Variants in KIF2A observed in about 807,000 individuals in gnomAD.
KIF2A encodes the protein kinesin family member 2A, also known as kinesin-like protein KIF2A.
Under a neutral mutation model 100.2 loss-of-function variants are expected in KIF2A, and 22 were observed. The observed-to-expected ratio is 0.22, with a 90% confidence interval of 0.16 to 0.31. KIF2A has a LOEUF of 0.31. Ranked by LOEUF, KIF2A falls within the 10% of genes least tolerant of loss-of-function variation. KIF2A has a pLI of 1.00. For missense variants in KIF2A, 495 were observed against 898.7 expected (o/e 0.55, Z 5.74); for synonymous variants, 268 against 285.9 (o/e 0.94, Z 0.63).
intron 11 of KIF2A, among the ~76,000 whole-genome samples, chr5:62,362,010 C>T (rs1274016943): frequency 6.8e-6 from 1 of 147,074 alleles, no homozygotes; most frequent in Non-Finnish European, 1.5e-5. Context: ...TCAGCCTGGG[C>T]AACAGACCAA....
At chr5:62,326,669 G>A (rs889471676) in intron 1 of KIF2A, among the ~76,000 whole-genome samples, 1 of 151,496 alleles carries the variant, frequency 6.6e-6, no homozygotes, top group Admixed American at 6.6e-5. Context: ...CATCAATATG[G>A]AAATGCTGTT....
chr5:62,341,090 T>A (rs1747268915), intron 1 of KIF2A, among the ~76,000 whole-genome samples: 1 of 152,198 alleles, frequency 6.6e-6, no homozygotes, highest in African/African-American at 2.4e-5. Context: ...AATTTCGTAT[T>A]CACTTCTTGT....
intron 3 of KIF2A, among the ~76,000 whole-genome samples, chr5:62,349,408 C>A (rs1485394788): frequency 4.6e-5 from 7 of 151,744 alleles, no homozygotes; most frequent in East Asian, 1.9e-4. Flanking sequence ...AAAGGGAGAC[C>A]CTGGCATCAG....
intron 1 of KIF2A, among the ~76,000 whole-genome samples, chr5:62,327,924 A>G (rs1746459579): frequency 6.6e-6 from 1 of 152,242 alleles, no homozygotes; most frequent in Non-Finnish European, 1.5e-5. Context: ...GGATGTATGC[A>G]TAAGAGAAGA....
intron 17 of KIF2A, 120 bp from the exon 18 acceptor site, chr5:62,373,567 A>G: frequency 1.4e-6 from 1 of 696,624 alleles, no homozygotes; most frequent in Non-Finnish European, 2.4e-6. Flanking sequence ...TTTTACCTAT[A>G]AAGGTGACAT....
intron 9 of KIF2A, among the ~76,000 whole-genome samples, chr5:62,358,929 C>G (rs1333671942): frequency 2.0e-5 from 3 of 152,206 alleles, no homozygotes; most frequent in Non-Finnish European, 4.4e-5. Context: ...CCTTGGCTTC[C>G]CAAAGTGCTG....
chr5:62,338,191 A>G (rs1387768763), intron 1 of KIF2A, among the ~76,000 whole-genome samples: 4 of 152,212 alleles, frequency 2.6e-5, no homozygotes, highest in Non-Finnish European at 5.9e-5. Context: ...GTAGAGGGGA[A>G]AGGGAATTTT....
At chr5:62,308,502 C>T (rs1745415745) in intron 1 of KIF2A, 1 of 719,006 alleles carries the variant, frequency 1.4e-6, no homozygotes, top group Non-Finnish European at 2.5e-6. Context: ...ACCTAAATGT[C>T]CATCGATGGG....
At chr5:62,322,633 T>C (rs2111813346) in intron 1 of KIF2A, among the ~76,000 whole-genome samples, 1 of 152,264 alleles carries the variant, frequency 6.6e-6, no homozygotes, top group East Asian at 1.9e-4. Flanking sequence ...GAATAAGGCC[T>C]TGAAATACCT....
At chr5:62,379,570 G>A (rs536737918) in intron 19 of KIF2A, among the ~76,000 whole-genome samples, 16 of 151,898 alleles carry the variant, frequency 1.1e-4, no homozygotes, top group Admixed American at 9.2e-4. Flanking sequence ...GCTGAGGCAG[G>A]AGAATTGCTT....
intron 1 of KIF2A, among the ~76,000 whole-genome samples, chr5:62,337,976 C>T (rs539065588): frequency 2.0e-5 from 3 of 152,190 alleles, no homozygotes; most frequent in African/African-American, 7.2e-5. Context: ...TGGAACTTCA[C>T]AAGCTGATTC....
chr5:62,350,018 T>C, intron 3 of KIF2A, 48 bp from the exon 4 acceptor site: 1 of 1,232,150 alleles, frequency 8.1e-7, no homozygotes, highest in Non-Finnish European at 1.2e-6. Context: ...ATGATACATA[T>C]GAGGGAGTAA....
chr5:62,379,779 A>C (rs1200349596), intron 19 of KIF2A, among the ~76,000 whole-genome samples: 1 of 152,228 alleles, frequency 6.6e-6, no homozygotes, highest in Non-Finnish European at 1.5e-5. Flanking sequence ...AATTATAATT[A>C]GTCATTAAAG....
intron 4 of KIF2A, among the ~76,000 whole-genome samples, chr5:62,352,023 G>A (rs1480907533): frequency 2.0e-5 from 3 of 151,844 alleles, no homozygotes; most frequent in Admixed American, 6.6e-5. Flanking sequence ...GTGTAGTGGC[G>A]TGCGCCTGTA....
intron 16 of KIF2A, among the ~76,000 whole-genome samples, chr5:62,369,573 A>G (rs1431051684): frequency 4.6e-5 from 7 of 152,208 alleles, no homozygotes. Context: ...TAACCATATC[A>G]GACACATAAT....
rs1290302933 is a variant in KIF2A at position 62,388,226 on chromosome 5, G to A, written c.*2657G>A. The A allele has an allele frequency of 1.3e-5, 2 of 152,164 alleles. No individual in the cohort carries two copies. Among genetic ancestry groups the A allele is most frequent in the African/African-American group, 2.4e-5 (1 of 41,424 alleles). The allele number at this position is 152,164 out of a possible 1,614,324, so 9.4% of individuals were successfully genotyped here. A position where few individuals can be genotyped will look rare whatever the true frequency, so the allele number is the denominator to read the frequency against. On this transcript the variant is annotated 3_prime_UTR_variant, in exon 21 of 21. Transcript: ENST00000407818. ...TATGGGAAATGGCTGTTTTTCTGAAGTTGAAACCAGTTTCAATTACAAAAC... is the reference window on the plus strand; with the variant it reads ...TATGGGAAATGGCTGTTTTTCTGAAATTGAAACCAGTTTCAATTACAAAAC...
At chr5:62,349,433 T>TA (rs879639583) in intron 3 of KIF2A, among the ~76,000 whole-genome samples, 4 of 152,094 alleles carry the variant, frequency 2.6e-5, no homozygotes, top group African/African-American at 4.8e-5. Flanking sequence ...CTTTTAATAG[T>TA]ACTCATCTGA....
At chr5:62,344,750 T>C (rs1424474074) in intron 1 of KIF2A, among the ~76,000 whole-genome samples, 1 of 152,262 alleles carries the variant, frequency 6.6e-6, no homozygotes, top group Admixed American at 6.5e-5. Flanking sequence ...TATTCATTTA[T>C]GGAATGCTTT....
In KIF2A at chr5:62,381,123, T is replaced by G. The variant is rs752908683; in HGVS notation, c.2019T>G (p.Ser673=). 6.2e-7 allele frequency: 1 copy of G among 1,609,698 alleles called. No individual in the cohort carries two copies. Among genetic ancestry groups the G allele is most frequent in the South Asian group, 1.1e-5 (1 of 90,548 alleles). The change falls in exon 20 of 21, where the codon TCT becomes TCG. Residue 673 remains serine (S), a synonymous_variant. Transcript: ENST00000407818. Reference sequence around the variant, plus strand: ...TCGAATTTTTGTCCTTGTAGGAATCTATTCGGTGGTTAGAAGATGAAAAGG... The same window carrying G: ...TCGAATTTTTGTCCTTGTAGGAATCGATTCGGTGGTTAGAAGATGAAAAGG... The part of the protein sequence containing the change: ...VEDHRAVFQE[S]IRWLEDEKAL...
Sources: gnomAD v4.1 joint callset for allele counts (sites outside exome capture counted in the v4.1 genomes callset) on GRCh38, gnomAD v4.1.1 for gene constraint, MANE v1.5 for transcripts, NCBI Gene and HGNC (gene_info 2026-07-23, HGNC 2026-07-21) for gene names.